Variants in ESR1 observed in about 807,000 individuals in gnomAD.
ESR1 encodes the protein estrogen receptor.
ESR1 carries 12 observed loss-of-function variants against 52.7 expected under a neutral mutation model. The observed-to-expected ratio is 0.23, with a 90% CI of 0.15 to 0.37. The LOEUF (loss-of-function observed/expected upper bound fraction) is 0.37. ESR1 is among the 10% of genes least tolerant of loss of function. The pLI, the probability that ESR1 is intolerant of heterozygous loss-of-function variation, is 1.00. For synonymous variants in ESR1, 305 were observed against 316.8 expected (o/e 0.96, Z 0.39); for missense variants, 584 against 779.7 (o/e 0.75, Z 2.99).
chr6:152,035,055 C>T (rs1218478127), intron 5 of ESR1, among the ~76,000 whole-genome samples: 1 of 152,110 alleles, frequency 6.6e-6, no homozygotes, highest in East Asian at 1.9e-4. Context: ...AGATTACATG[C>T]CCTTCTTTTA....
rs574016756 is a variant in ESR1, at chr6:152,112,019, C to T, written c.851-13247C>T. On this transcript the variant is annotated intron_variant, in intron 6 of 6. Transcript: ENST00000427531. ...AATCCATTCTCAAATGCTAAAGAAA[C>T]GTGTATAAAGAAAAACATTAAGTGG... Among the ~76,000 whole-genome samples, 246 of 152,252 alleles carry T rather than the reference C, an allele frequency of 1.6e-3. 3 individuals carry two copies. In the South Asian group the frequency reaches 0.018, roughly 11 times the overall value.
rs944652171 is a variant in ESR1, at chr6:151,671,548, G to A, written n.73+14785G>A. On this transcript the variant is annotated intron_variant and non_coding_transcript_variant, in intron 1 of 2. Coordinates refer to the ESR1 transcript ENST00000473497. ...GAGGAAATGGAATGCGGCAGAAAGG[G>A]GAGATATTGGTCAAAGGGCACAAAG... Among the ~76,000 whole-genome samples, 4 of 152,264 alleles carry A rather than the reference G, an allele frequency of 2.6e-5. No homozygotes were observed. In the East Asian group the frequency reaches 7.7e-4, roughly 29 times the overall value.
chr6:152,111,442 T>C (rs1210928322), intron 6 of ESR1, among the ~76,000 whole-genome samples: 1 of 152,144 alleles, frequency 6.6e-6, no homozygotes, highest in African/African-American at 2.4e-5. Flanking sequence ...ACTTCCCAGA[T>C]TCAGTGCGCT....
intron 2 of ESR1, among the ~76,000 whole-genome samples, chr6:151,848,696 G>C (rs1323799324): frequency 4.6e-5 from 7 of 152,106 alleles, no homozygotes; most frequent in Non-Finnish European, 1.0e-4. Flanking sequence ...TCTTTTCAGA[G>C]ATACAATTGG....
intron 4 of ESR1, among the ~76,000 whole-genome samples, chr6:151,949,113 C>G (rs954314579): frequency 1.3e-5 from 2 of 152,188 alleles, no homozygotes; most frequent in Non-Finnish European, 2.9e-5. Flanking sequence ...ATCTCCCTGA[C>G]AGCCACCATA....
chr6:151,809,273 T>C (rs746127318), intron 1 of ESR1: 8 of 383,018 alleles, frequency 2.1e-5, no homozygotes, highest in Admixed American at 1.9e-4. Flanking sequence ...ATGGCGAAGG[T>C]TGTGTGTCCT....
intron 1 of ESR1, among the ~76,000 whole-genome samples, chr6:151,683,247 G>A (rs978938260): frequency 2.0e-5 from 3 of 152,050 alleles, no homozygotes; most frequent in African/African-American, 7.2e-5. Flanking sequence ...ACAGATTTTG[G>A]TATTGTAGAG....
At position 151,996,676 on chromosome 6, in the gene ESR1, C is replaced by T. The variant is rs530639560; in HGVS notation, c.1097-14980C>T. Among the ~76,000 whole-genome samples, 3 of 152,036 alleles carry T rather than the reference C, an allele frequency of 2.0e-5. No homozygotes were observed. The South Asian group carries it at 6.2e-4, about 32-fold the overall frequency. ...CTAGCAATAGACAGTGATAAGCATG[C>T]GTATAGAGGGTAAACGTAGGACTTT... On this transcript the variant is annotated intron_variant, in intron 4 of 7. Coordinates refer to ENST00000206249, the MANE Select transcript of ESR1 (RefSeq NM_000125.4).
chr6:151,762,625 C>G (rs563100538), intron 2 of ESR1, among the ~76,000 whole-genome samples: 2 of 152,064 alleles, frequency 1.3e-5, no homozygotes, highest in Admixed American at 1.3e-4. Context: ...AGTTATTTTA[C>G]GTAATTAGCA....
chr6:152,100,418 G>A lies in ESR1; in HGVS notation c.*1452G>A, dbSNP rs776782609. The stretch of plus-strand genomic sequence containing the variant: ...AGAAAATCCTCCCCCTTCCTCCCCC[G>A]CCCCGTTCCCTACCGCCTCCACTCC... On this transcript the variant is annotated 3_prime_UTR_variant, in exon 8 of 8. Coordinates refer to ENST00000206249, the MANE Select transcript of ESR1 (RefSeq NM_000125.4). 1.2e-5 allele frequency: 3 copies of A among 245,576 alleles called. No individual in the cohort carries two copies. The highest frequency in any genetic ancestry group is 1.6e-5 in the Non-Finnish European group (2 of 128,926). 15.2% of individuals were successfully genotyped at this position (245,576 alleles called of 1,614,324 possible).
chr6:151,825,093 T>G (rs1056188273), intron 1 of ESR1, among the ~76,000 whole-genome samples: 3 of 152,168 alleles, frequency 2.0e-5, no homozygotes, highest in African/African-American at 7.2e-5. Context: ...GAAATAAATC[T>G]CTGAAATGCT....
chr6:151,819,208 T>G (rs1780158726), intron 1 of ESR1, among the ~76,000 whole-genome samples: 1 of 152,236 alleles, frequency 6.6e-6, no homozygotes, highest in Non-Finnish European at 1.5e-5. Context: ...GTGCATTGTG[T>G]GCATACAGCA....
At chr6:151,674,802 T>C (rs1371175006) in intron 1 of ESR1, among the ~76,000 whole-genome samples, 1 of 152,228 alleles carries the variant, frequency 6.6e-6, no homozygotes, top group Non-Finnish European at 1.5e-5. Context: ...TAAGTTGCAG[T>C]TCCATTCTGC....
intron 2 of ESR1, among the ~76,000 whole-genome samples, chr6:151,763,266 A>ATCAC (rs147202640): frequency 0.017 from 2,549 of 151,740 alleles, 72 homozygotes; most frequent in African/African-American, 0.059. Context: ...CCACTCTGAG[A>ATCAC]TCACTTGTTG....
At chr6:151,682,591 T>G (rs1479585643) in intron 1 of ESR1, among the ~76,000 whole-genome samples, 14 of 152,242 alleles carry the variant, frequency 9.2e-5, no homozygotes, top group Admixed American at 9.2e-4. Flanking sequence ...GGGGGCTAAT[T>G]TGAAAAGGAA....
chr6:151,823,211 G>A (rs547252995), intron 1 of ESR1, among the ~76,000 whole-genome samples: 35 of 152,272 alleles, frequency 2.3e-4, no homozygotes, highest in African/African-American at 8.2e-4. Context: ...TCTGCTTAAT[G>A]GGCTTAATTT....
intron 2 of ESR1, among the ~76,000 whole-genome samples, chr6:151,707,512 A>G (rs939808695): frequency 5.9e-5 from 9 of 152,186 alleles, no homozygotes; most frequent in Non-Finnish European, 1.2e-4. Flanking sequence ...TGCATAAAAT[A>G]GATACACAGG....
intron 6 of ESR1, among the ~76,000 whole-genome samples, chr6:152,065,682 G>A (rs763641083): frequency 3.3e-5 from 5 of 152,042 alleles, no homozygotes; most frequent in Admixed American, 6.6e-5. Flanking sequence ...CTCTTCAACC[G>A]TAGGTCCTCT....
At chr6:151,728,682 T>C (rs563797384) in intron 2 of ESR1, among the ~76,000 whole-genome samples, 29 of 152,296 alleles carry the variant, frequency 1.9e-4, no homozygotes, top group Admixed American at 6.5e-4. Context: ...ATCCACACAT[T>C]TGATGCGCCT....
Sources: gnomAD v4.1 joint callset for allele counts (sites outside exome capture counted in the v4.1 genomes callset) on GRCh38, gnomAD v4.1.1 for gene constraint, MANE v1.5 for transcripts, NCBI Gene and HGNC (gene_info 2026-07-23, HGNC 2026-07-21) for gene names.